Variants in NMNAT3 observed in about 807,000 individuals in gnomAD.
NMNAT3 encodes nicotinamide nucleotide adenylyltransferase 3, also known as nicotinamide/nicotinic acid mononucleotide adenylyltransferase 3.
Under a neutral mutation model 24.8 loss-of-function variants are expected in NMNAT3, and 21 were observed. The observed-to-expected ratio is 0.85, with a 90% CI of 0.60 to 1.22. The LOEUF is 1.22. NMNAT3 is among the 50% of genes most tolerant of loss of function. NMNAT3 has a pLI of 0.00. For missense variants in NMNAT3, 387 were observed against 436.6 expected, an observed-to-expected ratio of 0.89 and a Z score of 1.01; for synonymous variants, 136 against 155.2, an observed-to-expected ratio of 0.88 and a Z score of 0.92.
rs34969251 is a variant in NMNAT3 at position 139,577,125 on chromosome 3, CA to C, written c.575+1746del. Among the ~76,000 whole-genome samples the C allele has an allele frequency of 4.8e-3, 675 of 141,982 alleles. 3 individuals carry two copies. Among genetic ancestry groups the C allele is most frequent in the African/African-American group, 0.016 (573 of 36,466 alleles). The allele number at this position is 141,982 out of a possible 152,430, so 93.1% of individuals were successfully genotyped here. A position where few individuals can be genotyped will look rare whatever the true frequency, so the allele number is the denominator to read the frequency against. ...TGGAGCTTTTTTTGAGACCCTATCT[CA>C]AAAAAAAAAAATTAAAAAGAAAATG... On this transcript the variant is annotated intron_variant, in intron 5 of 6. Coordinates refer to ENST00000643695, the MANE Select transcript of NMNAT3 (RefSeq NM_001320510.2).
At chr3:139,587,434 A>G (rs906526806) in intron 3 of NMNAT3, among the ~76,000 whole-genome samples, 1 of 152,126 alleles carries the variant, frequency 6.6e-6, no homozygotes, top group African/African-American at 2.4e-5. Flanking sequence ...GCGAGAGTGG[A>G]TAGATGCCAG....
At chr3:139,638,350 G>A (rs2056579932) in intron 1 of NMNAT3, among the ~76,000 whole-genome samples, 1 of 152,094 alleles carries the variant, frequency 6.6e-6, no homozygotes, top group Admixed American at 6.6e-5. Context: ...CCCTGCCTCT[G>A]CCCATACCCA....
chr3:139,646,462 T>A (rs1051767157), intron 1 of NMNAT3, among the ~76,000 whole-genome samples: 12 of 152,166 alleles, frequency 7.9e-5, no homozygotes, highest in African/African-American at 2.9e-4. Flanking sequence ...GTAGGCCCCA[T>A]CCTCTGTCTG....
chr3:139,666,937 A>T (rs1004692791), intron 1 of NMNAT3, among the ~76,000 whole-genome samples: 1 of 152,224 alleles, frequency 6.6e-6, no homozygotes, highest in Non-Finnish European at 1.5e-5. Flanking sequence ...TTATGGCCAA[A>T]TAATGTATCA....
chr3:139,603,729 A>C (rs1048585509), intron 3 of NMNAT3, among the ~76,000 whole-genome samples: 1 of 151,578 alleles, frequency 6.6e-6, no homozygotes, highest in Non-Finnish European at 1.5e-5. Context: ...TTACCACCAC[A>C]CTCCAACTAA....
rs564041198 is a variant in NMNAT3 at position 139,674,294 on chromosome 3, T to C, written c.-141+3411A>G. Among the ~76,000 whole-genome samples, 5 of 152,360 alleles carry C rather than the reference T, an allele frequency of 3.3e-5. No individual in the cohort carries two copies. In the South Asian group the frequency reaches 6.2e-4, roughly 19 times the overall value. ...ATTCCTAGAGTGGCACATGGGTCTA[T>C]GTGTATGTGGGAGACACAATGATGA... is the stretch of plus-strand genomic sequence containing the variant. On this transcript the variant is annotated intron_variant, in intron 1 of 6. Coordinates refer to ENST00000643695, the MANE Select transcript of NMNAT3 (RefSeq NM_001320510.2).
intron 1 of NMNAT3, among the ~76,000 whole-genome samples, chr3:139,653,537 C>A (rs1398569882): frequency 6.6e-6 from 1 of 152,214 alleles, no homozygotes; most frequent in Non-Finnish European, 1.5e-5. Context: ...ACAGCCAGCA[C>A]TGACACTTTT....
intron 3 of NMNAT3, among the ~76,000 whole-genome samples, chr3:139,603,478 C>T (rs2054802754): frequency 6.6e-6 from 1 of 152,158 alleles, no homozygotes; most frequent in African/African-American, 2.4e-5. Context: ...CAGGTTAAAA[C>T]ACTGACCTAA....
intron 5 of NMNAT3, among the ~76,000 whole-genome samples, chr3:139,577,111 T>C (rs1939429337): frequency 6.7e-6 from 1 of 148,334 alleles, no homozygotes. Context: ...GGAGCTTTTT[T>C]TGAGACCCTA....
At chr3:139,601,314 G>A (rs2054703504) in intron 3 of NMNAT3, among the ~76,000 whole-genome samples, 1 of 152,214 alleles carries the variant, frequency 6.6e-6, no homozygotes, top group African/African-American at 2.4e-5. Context: ...AGACCTAAGT[G>A]TGAGCCTCTG....
intron 6 of NMNAT3, among the ~76,000 whole-genome samples, chr3:139,565,112 T>C (rs1271336810): frequency 6.6e-6 from 1 of 152,216 alleles, no homozygotes; most frequent in African/African-American, 2.4e-5. Context: ...TTATGTAGTT[T>C]CTTTATGCTA....
intron 3 of NMNAT3, among the ~76,000 whole-genome samples, chr3:139,593,983 G>A (rs1448296218): frequency 6.6e-6 from 1 of 151,154 alleles, no homozygotes; most frequent in Admixed American, 6.6e-5. Flanking sequence ...GAAGGAAATA[G>A]AGACACAAAA....
At chr3:139,659,233 G>A (rs1441050872) in intron 1 of NMNAT3, among the ~76,000 whole-genome samples, 1 of 152,290 alleles carries the variant, frequency 6.6e-6, no homozygotes, top group East Asian at 1.9e-4. Flanking sequence ...TAACACAGTT[G>A]CACTCACTAG....
intron 1 of NMNAT3, among the ~76,000 whole-genome samples, chr3:139,672,949 T>C (rs1299297675): frequency 6.6e-6 from 1 of 152,172 alleles, no homozygotes; most frequent in Non-Finnish European, 1.5e-5. Context: ...TGGCATGGCA[T>C]GGCTCTGCAT....
chr3:139,669,907 C>T (rs1010080609), intron 1 of NMNAT3, among the ~76,000 whole-genome samples: 1 of 152,100 alleles, frequency 6.6e-6, no homozygotes, highest in Non-Finnish European at 1.5e-5. Flanking sequence ...TAAAGATAAA[C>T]CTTACACACT....
chr3:139,653,396 G>A (rs1297118325), intron 1 of NMNAT3, among the ~76,000 whole-genome samples: 1 of 152,294 alleles, frequency 6.6e-6, no homozygotes, highest in Non-Finnish European at 1.5e-5. Context: ...AAATGCTTAT[G>A]TGAGTTGAAG....
chr3:139,598,961 G>A (rs2054594436), intron 3 of NMNAT3, among the ~76,000 whole-genome samples: 1 of 151,984 alleles, frequency 6.6e-6, no homozygotes, highest in East Asian at 1.9e-4. Context: ...TCTATGTGTA[G>A]CCCCAAACCA....
At chr3:139,575,313 A>AT (rs1939135505) in intron 5 of NMNAT3, among the ~76,000 whole-genome samples, 1 of 152,058 alleles carries the variant, frequency 6.6e-6, no homozygotes, top group Non-Finnish European at 1.5e-5. Context: ...TACTGCTTTG[A>AT]TTTTGGTAAA....
At chr3:139,582,274 G>T (rs1304347400) in intron 4 of NMNAT3, among the ~76,000 whole-genome samples, 1 of 149,094 alleles carries the variant, frequency 6.7e-6, no homozygotes, top group East Asian at 2.0e-4. Context: ...CTTAGTAAAT[G>T]TGTTCACCAT....
Sources: gnomAD v4.1 joint callset for allele counts (sites outside exome capture counted in the v4.1 genomes callset) on GRCh38, gnomAD v4.1.1 for gene constraint, MANE v1.5 for transcripts, NCBI Gene and HGNC (gene_info 2026-07-23, HGNC 2026-07-21) for gene names.